Variants in SMOC1 observed in about 807,000 individuals in gnomAD.
SMOC1 encodes SPARC-related modular calcium-binding protein 1.
In SMOC1, 22 loss-of-function variants were observed where a neutral mutation model predicts 56.3. The observed-to-expected ratio is 0.39, with a 90% CI of 0.28 to 0.56. The LOEUF is 0.56. Ranked by LOEUF, SMOC1 falls within the 20% of genes least tolerant of loss-of-function variation. The probability of loss-of-function intolerance (pLI) is 0.61; values close to 1 mark genes in which losing one functional copy is unlikely to be tolerated. For missense variants in SMOC1, 509 were observed against 565.4 expected, an observed-to-expected ratio of 0.90 and a Z score of 1.01; for synonymous variants, 193 against 215.0, an observed-to-expected ratio of 0.90 and a Z score of 0.89.
At chr14:69,993,615 C>A (rs1263754090) in intron 6 of SMOC1, among the ~76,000 whole-genome samples, 3 of 152,150 alleles carry the variant, frequency 2.0e-5, no homozygotes, top group Non-Finnish European at 2.9e-5. Context: ...TTGAAATGTG[C>A]AATATCCTTT....
chr14:69,880,690 G>T (rs896050109), intron 1 of SMOC1, among the ~76,000 whole-genome samples: 1 of 152,212 alleles, frequency 6.6e-6, no homozygotes, highest in African/African-American at 2.4e-5. Flanking sequence ...CCAAGCATCA[G>T]TTTATGTCAG....
intron 3 of SMOC1, among the ~76,000 whole-genome samples, chr14:69,958,464 T>C (rs1446007768): frequency 6.6e-6 from 1 of 152,250 alleles, no homozygotes. Context: ...TATCTTCTTT[T>C]GTCATTTTAG....
At chr14:69,932,586 C>T (rs191305605) in intron 1 of SMOC1, among the ~76,000 whole-genome samples, 3 of 152,352 alleles carry the variant, frequency 2.0e-5, no homozygotes, top group Middle Eastern at 6.8e-3. Context: ...TCTCCTCCGG[C>T]TCTCAAAGGC....
intron 4 of SMOC1, among the ~76,000 whole-genome samples, chr14:69,976,185 G>C (rs2139504371): frequency 6.6e-6 from 1 of 152,326 alleles, no homozygotes; most frequent in African/African-American, 2.4e-5. Context: ...TGGGAGCTCA[G>C]CATCCAAGGC....
intron 7 of SMOC1, among the ~76,000 whole-genome samples, chr14:70,003,796 G>T (rs1329705425): frequency 6.6e-6 from 1 of 152,152 alleles, no homozygotes; most frequent in Non-Finnish European, 1.5e-5. Context: ...GATGGAGGAT[G>T]GCCTAGAATG....
intron 1 of SMOC1, among the ~76,000 whole-genome samples, chr14:69,918,819 C>T (rs1243004552): frequency 1.3e-5 from 2 of 152,258 alleles, no homozygotes; most frequent in East Asian, 3.9e-4. Flanking sequence ...GAATATTGAG[C>T]CAAGAACAAA....
chr14:70,006,656 T>C (rs1301957910), intron 7 of SMOC1, among the ~76,000 whole-genome samples: 1 of 152,244 alleles, frequency 6.6e-6, no homozygotes, highest in Non-Finnish European at 1.5e-5. Flanking sequence ...TTCTTTCTAA[T>C]GTGTCTGTGG....
At chr14:70,029,271 G>A (rs1402422739) in intron 11 of SMOC1, among the ~76,000 whole-genome samples, 1 of 152,206 alleles carries the variant, frequency 6.6e-6, no homozygotes, top group Non-Finnish European at 1.5e-5. Context: ...GCAGAATGAG[G>A]CTGGGACTTT....
At chr14:69,998,171 A>G (rs765868593) in intron 7 of SMOC1, among the ~76,000 whole-genome samples, 17 of 152,154 alleles carry the variant, frequency 1.1e-4, no homozygotes, top group Non-Finnish European at 1.8e-4. Flanking sequence ...TGTGTTCACT[A>G]TAGTCAGTGT....
At chr14:69,962,279 C>T (rs1883411689) in intron 3 of SMOC1, among the ~76,000 whole-genome samples, 1 of 152,024 alleles carries the variant, frequency 6.6e-6, no homozygotes, top group South Asian at 2.1e-4. Flanking sequence ...TCTCCTGACT[C>T]AGCCTCTGGA....
chr14:69,890,072 C>G (rs1883919665), intron 1 of SMOC1, among the ~76,000 whole-genome samples: 1 of 152,200 alleles, frequency 6.6e-6, no homozygotes, highest in South Asian at 2.1e-4. Context: ...GAGCGTGATT[C>G]TGCCTACCAC....
At chr14:70,029,423 G>A (rs1886056056) in intron 11 of SMOC1, among the ~76,000 whole-genome samples, 1 of 152,222 alleles carries the variant, frequency 6.6e-6, no homozygotes, top group African/African-American at 2.4e-5. Flanking sequence ...CTGAGGGATT[G>A]CAAAGAGGTG....
chr14:69,941,758 T>G (rs1000574719), intron 1 of SMOC1, among the ~76,000 whole-genome samples: 24 of 152,252 alleles, frequency 1.6e-4, no homozygotes, highest in African/African-American at 5.8e-4. Context: ...AACTCTATCT[T>G]GAAATTACTT....
At chr14:70,015,841 A>G (rs992795405) in intron 10 of SMOC1, among the ~76,000 whole-genome samples, 7 of 152,196 alleles carry the variant, frequency 4.6e-5, no homozygotes, top group Admixed American at 1.3e-4. Flanking sequence ...TGTTTAGAAT[A>G]TGAAAAAAAT....
intron 10 of SMOC1, among the ~76,000 whole-genome samples, chr14:70,018,624 T>A (rs1594858317): frequency 6.6e-6 from 1 of 152,196 alleles, no homozygotes; most frequent in African/African-American, 2.4e-5. Context: ...CATTTATCAG[T>A]CCCAAAGGAA....
intron 1 of SMOC1, among the ~76,000 whole-genome samples, chr14:69,905,960 T>C (rs1884396823): frequency 6.6e-6 from 1 of 152,198 alleles, no homozygotes; most frequent in African/African-American, 2.4e-5. Context: ...GACCAAGCAA[T>C]CACCAATGTG....
At chr14:69,933,520 A>C (rs947602339) in intron 1 of SMOC1, among the ~76,000 whole-genome samples, 10 of 152,166 alleles carry the variant, frequency 6.6e-5, no homozygotes, top group African/African-American at 2.2e-4. Flanking sequence ...CACAAATGTA[A>C]AAGACATTTT....
chr14:69,948,056 G>A (rs1037802), intron 1 of SMOC1, among the ~76,000 whole-genome samples: 74,492 of 152,062 alleles, frequency 0.49, 19,442 homozygotes, highest in African/African-American at 0.67. Context: ...ATGCTGGTAC[G>A]GTGTTGGGTT....
At chr14:69,920,138 A>G (rs1884798129) in intron 1 of SMOC1, among the ~76,000 whole-genome samples, 1 of 152,152 alleles carries the variant, frequency 6.6e-6, no homozygotes, top group African/African-American at 2.4e-5. Context: ...AGACAGAAGG[A>G]CAGCATGTGC....
Sources: allele counts gnomAD v4.1 joint callset (sites outside exome capture counted in the v4.1 genomes callset), GRCh38; gene constraint gnomAD v4.1.1; transcripts MANE v1.5; gene names NCBI Gene and HGNC (gene_info 2026-07-23, HGNC 2026-07-21).